The following TFEB variants were observed in gnomAD, a reference collection of about 807,000 sequenced individuals.
The protein encoded by TFEB is T-cell transcription factor EB.
Under a neutral mutation model 48.0 loss-of-function variants are expected in TFEB, and 12 were observed. The observed-to-expected ratio is 0.25, with a 90% CI of 0.16 to 0.40. The LOEUF (loss-of-function observed/expected upper bound fraction) is 0.40, where lower values mean the gene tolerates loss of function less well. Ranked by LOEUF, TFEB falls within the 10% of genes least tolerant of loss-of-function variation. The pLI, the probability that TFEB is intolerant of heterozygous loss-of-function variation, is 1.00. For synonymous variants in TFEB, 244 were observed against 261.4 expected (o/e 0.93, Z 0.64); for missense variants, 509 against 640.3 (o/e 0.79, Z 2.21).
chr6:41,733,860 C>A (rs74796071), intron 1 of TFEB: 142 of 985,684 alleles, frequency 1.4e-4, no homozygotes, highest in Admixed American at 1.8e-4. Flanking sequence ...ATCTGTCCAC[C>A]CAGAAGGAAA....
intron 1 of TFEB, among the ~76,000 whole-genome samples, chr6:41,711,117 T>G (rs533595004): frequency 2.4e-4 from 36 of 152,400 alleles, no homozygotes; most frequent in African/African-American, 8.7e-4. Context: ...TCTAAAGCCG[T>G]GATAGAGCCA....
At chr6:41,699,022 G>A (rs1581894957) in intron 1 of TFEB, among the ~76,000 whole-genome samples, 3 of 152,268 alleles carry the variant, frequency 2.0e-5, no homozygotes, top group South Asian at 2.1e-4. Flanking sequence ...GGTATCCTAC[G>A]ACTCCCAGGA....
chr6:41,732,377 G>A (rs1199210342), intron 1 of TFEB, among the ~76,000 whole-genome samples: 1 of 152,220 alleles, frequency 6.6e-6, no homozygotes. Flanking sequence ...GTAAGTAAGT[G>A]TAATGCAAAC....
chr6:41,733,051 C>T, intron 1 of TFEB: 1 of 985,434 alleles, frequency 1.0e-6, no homozygotes, highest in Non-Finnish European at 1.2e-6. Context: ...CTAAGTAACT[C>T]TATTAACTCT....
chr6:41,687,474 A>G (rs1322562123), intron 6 of TFEB, among the ~76,000 whole-genome samples: 1 of 152,242 alleles, frequency 6.6e-6, no homozygotes, highest in Non-Finnish European at 1.5e-5. Flanking sequence ...CCCAGGTTCC[A>G]TGCCTTAACC....
intron 1 of TFEB, among the ~76,000 whole-genome samples, chr6:41,728,435 G>A (rs180926263): frequency 2.6e-5 from 4 of 152,332 alleles, no homozygotes; most frequent in East Asian, 3.9e-4. Context: ...AGCCAGCACC[G>A]TCCTGGCAAG....
At chr6:41,718,420 C>T (rs1770830713) in intron 1 of TFEB, among the ~76,000 whole-genome samples, 1 of 151,952 alleles carries the variant, frequency 6.6e-6, no homozygotes. Context: ...ACCATGTTGC[C>T]CAGGCTGGTC....
At chr6:41,729,312 C>T (rs2127275949) in intron 1 of TFEB, among the ~76,000 whole-genome samples, 1 of 152,262 alleles carries the variant, frequency 6.6e-6, no homozygotes, top group African/African-American at 2.4e-5. Context: ...GACCCTCCCC[C>T]TACCCTCCCT....
In TFEB at chr6:41,723,546, A is replaced by G. The variant is rs1372329134; in HGVS notation, c.-23+11804T>C. ...GAGCCCAGGGCCGCACCCCAGCCCC[A>G]GGGCCGGGCTCAGTTTCCTCATTTC... On this transcript the variant is annotated intron_variant, in intron 1 of 8. Transcript: ENST00000373033. This position sits in a 1 kb window ranked among gnomAD's most constrained non-coding sequence, Gnocchi z 6.0. 1 of 1,274,570 alleles carries G rather than the reference A, an allele frequency of 7.8e-7. No homozygotes were observed. The highest frequency in any genetic ancestry group is 1.0e-6 in the Non-Finnish European group (1 of 982,550). The allele number at this position is 1,274,570 out of a possible 1,614,324, so 79.0% of individuals were successfully genotyped here.
chr6:41,718,905 G>A (rs1359717632), intron 1 of TFEB, among the ~76,000 whole-genome samples: 1 of 152,154 alleles, frequency 6.6e-6, no homozygotes, highest in Non-Finnish European at 1.5e-5. Context: ...GATTCAAGTA[G>A]TCTAGCACAG....
intron 1 of TFEB, among the ~76,000 whole-genome samples, chr6:41,709,086 C>A (rs1770366222): frequency 6.6e-6 from 1 of 152,230 alleles, no homozygotes. Flanking sequence ...CCTTCTGCCC[C>A]CAGGCTGCTC....
At chr6:41,692,664 C>G (rs369017828) in intron 1 of TFEB, among the ~76,000 whole-genome samples, 5 of 152,200 alleles carry the variant, frequency 3.3e-5, no homozygotes, top group Non-Finnish European at 5.9e-5. Flanking sequence ...GTCCCCTCCC[C>G]CTCTGAGCCT....
intron 1 of TFEB, among the ~76,000 whole-genome samples, chr6:41,714,179 GTGTGCATGTGCATGCATGTGCGTGCA>G (rs1770624240): frequency 1.3e-5 from 2 of 152,016 alleles, no homozygotes; most frequent in African/African-American, 4.8e-5. Flanking sequence ...GTGTGCGTGT[GTGTGCATGTGCATGCATGTGCGTGCA>G]TGTGCGTGCG....
Position 41,684,540 on chromosome 6 carries a change from C to G in TFEB, c.*59G>C. The G allele has an allele frequency of 6.7e-7, 1 of 1,498,168 alleles. No individual in the cohort carries two copies. Among genetic ancestry groups the G allele is most frequent in the Non-Finnish European group, 8.9e-7 (1 of 1,126,694 alleles). The allele number at this position is 1,498,168 out of a possible 1,614,324, so 92.8% of individuals were successfully genotyped here. ...CAGCCTGAAGGGTGGGAGGGAGGTG[C>G]CCCTGGCCCTCCCAGCCCCCAGGCC... is the stretch of plus-strand genomic sequence containing the variant. On this transcript the variant is annotated 3_prime_UTR_variant, in exon 9 of 9. Coordinates refer to ENST00000373033, the MANE Select transcript of TFEB (RefSeq NM_001271944.2).
intron 1 of TFEB, among the ~76,000 whole-genome samples, chr6:41,697,394 G>C (rs1459340331): frequency 1.6e-5 from 1 of 61,124 alleles, no homozygotes; most frequent in African/African-American, 9.8e-5. Context: ...GGCAACAAGA[G>C]TGAAACTCCA....
At chr6:41,685,192 C>A in intron 8 of TFEB, 114 bp from the exon 9 acceptor site, 2 of 1,272,092 alleles carry the variant, frequency 1.6e-6, no homozygotes, top group Non-Finnish European at 2.0e-6. Flanking sequence ...ACCCAAGACC[C>A]AAAGTGTTTC....
Position 41,684,750 on chromosome 6 carries a change from C to G in TFEB, c.1280G>C (p.Ser427Thr), listed in dbSNP as rs772114655. The change falls in exon 9 of 9, where the codon AGC (serine) becomes ACC (threonine). Residue 427 changes from serine (S) to threonine (T), a missense_variant. Ser to Thr is a moderately conservative substitution (Grantham distance 58, BLOSUM62 1). Around this residue, in one of 4 missense-constraint regions of TFEB, gnomAD observed 168 missense variants for 161.0 expected, o/e 1.04. Coordinates refer to ENST00000373033, the MANE Select transcript of TFEB (RefSeq NM_001271944.2). ...GAGGTCCAGATCCTTCTTGGACAGG[C>G]TGGGGAATGGGGAGCCATGCCCCGG... ...LAPGHGSPFP[S>T]LSKKDLDLML... 2.5e-6 allele frequency: 4 copies of G among 1,613,192 alleles called. No homozygotes were observed. Among genetic ancestry groups the G allele is most frequent in the African/African-American group, 1.3e-5 (1 of 74,882 alleles).
chr6:41,686,974 T>C, intron 7 of TFEB, 120 bp downstream of exon 7: 1 of 833,508 alleles, frequency 1.2e-6, no homozygotes, highest in Non-Finnish European at 2.0e-6. Context: ...CTCAAATAGA[T>C]GAACTTCTAG....
At position 41,691,453 on chromosome 6, in the gene TFEB, T is replaced by C. The variant is rs750636562; in HGVS notation, c.-22-218A>G. On this transcript the variant is annotated intron_variant, in intron 1 of 8. Transcript: ENST00000373033. The surrounding 1 kb of genome is among the most constrained non-coding windows in gnomAD (Gnocchi z 5.2). Reference sequence around the variant, plus strand: ...CTGGTTCCTGGACCAAAACTGAAGGTTCTGTCTTCTTCACTCATTGCAGTT... The same window carrying C: ...CTGGTTCCTGGACCAAAACTGAAGGCTCTGTCTTCTTCACTCATTGCAGTT... 52 of 711,964 alleles carry C rather than the reference T, an allele frequency of 7.3e-5. No homozygotes were observed. Among genetic ancestry groups the C allele is most frequent in the Admixed American group, 2.0e-4 (10 of 49,156 alleles). The allele number at this position is 711,964 out of a possible 1,614,324, so 44.1% of individuals were successfully genotyped here. A position where few individuals can be genotyped will look rare whatever the true frequency, so the allele number is the denominator to read the frequency against.
Sources: gnomAD v4.1 joint callset for allele counts (sites outside exome capture counted in the v4.1 genomes callset) on GRCh38, gnomAD v4.1.1 for gene constraint, gnomAD v4.1.1 regional missense constraint, Gnocchi (gnomAD v3.1) non-coding constraint, MANE v1.5 for transcripts, NCBI Gene and HGNC (gene_info 2026-07-23, HGNC 2026-07-21) for gene names.